PTPRQ: variants seen among roughly 807,000 people sequenced by gnomAD.
The protein encoded by PTPRQ is protein tyrosine phosphatase receptor type Q.
Under a neutral mutation model 246.0 loss-of-function variants are expected in PTPRQ, and 199 were observed. That is an observed-to-expected ratio of 0.81 (90% CI 0.72 to 0.91). The LOEUF (loss-of-function observed/expected upper bound fraction) is 0.91, where lower values mean the gene tolerates loss of function less well. Among genes scored for constraint, PTPRQ ranks in the 40% least tolerant of loss-of-function variants. The pLI, the probability that PTPRQ is intolerant of heterozygous loss-of-function variation, is 0.00. For missense variants in PTPRQ, 2,624 were observed against 2,528.4 expected, an observed-to-expected ratio of 1.04 and a Z score of -0.81; for synonymous variants, 869 against 853.2, an observed-to-expected ratio of 1.02 and a Z score of -0.32.
chr12:80,611,859 A>G (rs1361669195), intron 28 of PTPRQ, among the ~76,000 whole-genome samples: 2 of 150,500 alleles, frequency 1.3e-5, no homozygotes, highest in Admixed American at 1.3e-4. Context: ...AACAAATGCA[A>G]AAATATCTCT....
chr12:80,482,051 A>G (rs544086233), intron 8 of PTPRQ, among the ~76,000 whole-genome samples: 1 of 149,954 alleles, frequency 6.7e-6, no homozygotes, highest in African/African-American at 2.5e-5. Context: ...GAACCAAAAA[A>G]GAGCCCGCAT....
At chr12:80,457,681 C>A in intron 4 of PTPRQ, 37 bp downstream of exon 4, 1 of 399,782 alleles carries the variant, frequency 2.5e-6, no homozygotes, top group South Asian at 1.3e-4. Context: ...TTGACTTAGT[C>A]ATGAGTTTGT....
chr12:80,473,018 T>A (rs1453770536), intron 8 of PTPRQ, among the ~76,000 whole-genome samples: 2 of 136,610 alleles, frequency 1.5e-5, no homozygotes, highest in Non-Finnish European at 3.1e-5. Flanking sequence ...AATGTAGACA[T>A]GTATACACAC....
chr12:80,538,589 G>A (rs142357724), intron 19 of PTPRQ, among the ~76,000 whole-genome samples: 157 of 152,212 alleles, frequency 1.0e-3, no homozygotes, highest in Middle Eastern at 3.4e-3. Flanking sequence ...CTATTTCTAT[G>A]TAAATCACCA....
chr12:80,592,389 GA>G (rs754512382), intron 26 of PTPRQ, among the ~76,000 whole-genome samples: 16 of 151,938 alleles, frequency 1.1e-4, no homozygotes, highest in Non-Finnish European at 2.1e-4. Flanking sequence ...TTGTACAATT[GA>G]ATTTCCAAAT....
At position 80,652,778 on chromosome 12, in the gene PTPRQ, C is replaced by T. The variant is rs1900296561; in HGVS notation, c.6059C>T (p.Thr2020Ile). ...LPKFLQDLSS[T>I]DADLPWNRAK... is the part of the protein sequence containing the mutation. ...AAATTTCTTCAGGATCTTTCTTCAA[C>T]TGATGCTGATCTGCCTTGGAATAGA... Residue 2020 changes from threonine to isoleucine, a missense_variant, in exon 38 of 45, where the codon ACT (threonine) becomes ATT (isoleucine). Thr to Ile is a moderately conservative substitution (Grantham distance 89). Coordinates refer to ENST00000644991, the MANE Select transcript of PTPRQ (RefSeq NM_001145026.2). The T allele has an allele frequency of 1.3e-6, 2 of 1,509,642 alleles. No homozygotes were observed. Among genetic ancestry groups the T allele is most frequent in the Non-Finnish European group, 1.8e-6 (2 of 1,130,466 alleles). The allele number at this position is 1,509,642 out of a possible 1,614,324, so 93.5% of individuals were successfully genotyped here.
At chr12:80,451,241 T>C (rs1221731656) in intron 3 of PTPRQ, among the ~76,000 whole-genome samples, 2 of 149,236 alleles carry the variant, frequency 1.3e-5, no homozygotes, top group Admixed American at 1.3e-4. Context: ...TTATCATTTT[T>C]TATTGCATCT....
At chr12:80,641,383 C>T (rs907560947) in intron 35 of PTPRQ, among the ~76,000 whole-genome samples, 7 of 152,124 alleles carry the variant, frequency 4.6e-5, no homozygotes, top group African/African-American at 1.4e-4. Context: ...AATCACACGC[C>T]TTACTAAAGA....
At chr12:80,588,488 G>A in intron 26 of PTPRQ, 36 bp downstream of exon 26, 1 of 1,428,400 alleles carries the variant, frequency 7.0e-7, no homozygotes, top group Non-Finnish European at 9.2e-7. Context: ...ACTGATTTCT[G>A]TTATATTCTG....
Position 80,496,078 on chromosome 12 carries a change from T to G in PTPRQ, c.1962T>G (p.Asn654Lys). Residue 654 changes from asparagine (N) to lysine (K), a missense_variant, in exon 13 of 45, where the codon AAT becomes AAG. Physicochemically the swap from Asn to Lys is moderately conservative, Grantham distance 94. Coordinates refer to ENST00000644991, the MANE Select transcript of PTPRQ (RefSeq NM_001145026.2). ...HVGESSLSEE[N>K]DIFVRTSEDE... Reference sequence around the variant, plus strand: ...GAGAAAGTTCTTTGTCTGAAGAAAATGACATCTTTGTGAGAACTTCAGAAG... The same window carrying G: ...GAGAAAGTTCTTTGTCTGAAGAAAAGGACATCTTTGTGAGAACTTCAGAAG... 1 of 1,548,876 alleles carries G rather than the reference T, an allele frequency of 6.5e-7. No homozygotes were observed. The highest frequency in any genetic ancestry group is 8.7e-7 in the Non-Finnish European group (1 of 1,146,026).
chr12:80,595,586 T>G (rs1897942326), intron 26 of PTPRQ, among the ~76,000 whole-genome samples: 1 of 152,024 alleles, frequency 6.6e-6, no homozygotes, highest in Non-Finnish European at 1.5e-5. Flanking sequence ...TTATTATACT[T>G]TAAGTTTTAG....
At chr12:80,537,738 A>T (rs1056477194) in intron 19 of PTPRQ, among the ~76,000 whole-genome samples, 4 of 152,164 alleles carry the variant, frequency 2.6e-5, no homozygotes, top group Non-Finnish European at 5.9e-5. Context: ...TTTGTACAGC[A>T]TATTAACTTT....
intron 10 of PTPRQ, 77 bp from the exon 11 acceptor site, chr12:80,494,856 A>G: frequency 2.8e-6 from 4 of 1,431,288 alleles, no homozygotes; most frequent in Non-Finnish European, 2.8e-6. Context: ...TTAAGATTTT[A>G]TAGTCTAAGA....
chr12:80,486,600 G>A (rs968326733), intron 9 of PTPRQ, among the ~76,000 whole-genome samples: 1 of 152,082 alleles, frequency 6.6e-6, no homozygotes, highest in Admixed American at 6.6e-5. Context: ...TTACAGGGTT[G>A]GGAGTAAATG....
rs1893525861 is a variant in PTPRQ at position 80,468,716 on chromosome 12, A to C, written c.917A>C (p.Glu306Ala). Residue 306 changes from glutamate (E) to alanine (A), a missense_variant, in exon 7 of 45, where the codon GAA becomes GCA. Coordinates refer to ENST00000644991, the MANE Select transcript of PTPRQ (RefSeq NM_001145026.2). ...TIVRTPESVP[E>A]GPPQNCVTGN... The stretch of plus-strand genomic sequence containing the variant: ...TTTTCTATAATTATTTTAGTGCCTG[A>C]AGGACCACCACAAAACTGCGTAACA... 6.5e-7 allele frequency: 1 copy of C among 1,538,536 alleles called. No individual in the cohort carries two copies. Among genetic ancestry groups the C allele is most frequent in the Non-Finnish European group, 8.8e-7 (1 of 1,142,208 alleles).
chr12:80,615,870 G>C (rs1898735457), intron 29 of PTPRQ, among the ~76,000 whole-genome samples: 1 of 150,820 alleles, frequency 6.6e-6, no homozygotes, highest in South Asian at 2.1e-4. Flanking sequence ...TTAAAATCAT[G>C]GTCAGTCCAG....
At chr12:80,579,291 T>G (rs1452807235) in intron 25 of PTPRQ, among the ~76,000 whole-genome samples, 1 of 152,148 alleles carries the variant, frequency 6.6e-6, no homozygotes, top group Non-Finnish European at 1.5e-5. Flanking sequence ...TTCACTGCCT[T>G]TCAATAACAC....
At chr12:80,461,594 T>C (rs545025083) in intron 6 of PTPRQ, among the ~76,000 whole-genome samples, 57 of 150,910 alleles carry the variant, frequency 3.8e-4, no homozygotes, top group African/African-American at 1.3e-3. Flanking sequence ...TAGTCCCACA[T>C]TACATAAGGT....
chr12:80,609,275 C>T (rs1898455617), intron 27 of PTPRQ, among the ~76,000 whole-genome samples: 1 of 147,032 alleles, frequency 6.8e-6, no homozygotes, highest in Non-Finnish European at 1.5e-5. Flanking sequence ...ATATGCAAAT[C>T]AATGTGTGTT....
Sources: allele counts gnomAD v4.1 joint callset (sites outside exome capture counted in the v4.1 genomes callset), GRCh38; gene constraint gnomAD v4.1.1; transcripts MANE v1.5; gene names NCBI Gene and HGNC (gene_info 2026-07-23, HGNC 2026-07-21).